GFI1B: variants seen among roughly 807,000 people sequenced by gnomAD.
GFI1B encodes the protein growth factor independent 1B transcriptional repressor, also known as zinc finger protein Gfi-1b.
A neutral mutation model predicts 35.3 loss-of-function variants in GFI1B; 20 were observed. The observed-to-expected ratio is 0.57, with a 90% CI of 0.40 to 0.82. The LOEUF (loss-of-function observed/expected upper bound fraction) is 0.82. GFI1B is among the 40% of genes least tolerant of loss of function. GFI1B has a pLI of 0.00. For synonymous variants in GFI1B, 178 were observed against 177.6 expected, an observed-to-expected ratio of 1.00 and a Z score of -0.02; for missense variants, 430 against 446.3, an observed-to-expected ratio of 0.96 and a Z score of 0.33.
At chr9:132,974,456 G>A (rs1848589363), upstream of GFI1B, among the ~76,000 whole-genome samples, 1 of 151,980 alleles carries the variant, frequency 6.6e-6, no homozygotes, top group Non-Finnish European at 1.5e-5. Context: ...AAAAAAATTA[G>A]CCAGGCTTGG....
At chr9:132,987,905 C>T (rs576982014) in intron 3 of GFI1B, among the ~76,000 whole-genome samples, 14 of 152,250 alleles carry the variant, frequency 9.2e-5, no homozygotes, top group African/African-American at 3.1e-4. Context: ...AGTGCAGTGG[C>T]ACGATCTCAA....
rs766641025 is a variant in GFI1B at position 132,988,483 on chromosome 9, G to A, written c.510+15G>A. The A allele has an allele frequency of 4.3e-6, 7 of 1,611,622 alleles. No individual in the cohort carries two copies. Among genetic ancestry groups the A allele is most frequent in the Middle Eastern group, 1.7e-4 (1 of 6,056 alleles). On this transcript the variant is annotated intron_variant, in intron 4 of 6. Coordinates refer to ENST00000372122, the MANE Select transcript of GFI1B (RefSeq NM_001377304.1). ...AGTGCAACAAGGTGGGCAGCGGGGGGTGTGGTGGGCACCTGGGCCCTCCTC... is the reference window on the plus strand; with the variant it reads ...AGTGCAACAAGGTGGGCAGCGGGGGATGTGGTGGGCACCTGGGCCCTCCTC...
At chr9:132,983,242 G>T (rs1848896627) in intron 1 of GFI1B, among the ~76,000 whole-genome samples, 1 of 135,198 alleles carries the variant, frequency 7.4e-6, no homozygotes, top group African/African-American at 2.8e-5. Context: ...CACCCAGGCT[G>T]AAGTGCAGTG....
downstream of GFI1B, among the ~76,000 whole-genome samples, chr9:132,993,253 C>T (rs997461724): frequency 1.3e-5 from 2 of 152,150 alleles, no homozygotes; most frequent in Non-Finnish European, 2.9e-5. Flanking sequence ...GAGATGTTGT[C>T]GTTGCACTCC....
At chr9:132,960,464 A>G (rs1848345203) in intron 1 of GFI1B, among the ~76,000 whole-genome samples, 1 of 152,138 alleles carries the variant, frequency 6.6e-6, no homozygotes, top group South Asian at 2.1e-4. Flanking sequence ...ATGTTGTCAA[A>G]GGCTTCATCT....
intron 1 of GFI1B, among the ~76,000 whole-genome samples, chr9:132,979,698 G>A (rs1038222190): frequency 6.6e-6 from 1 of 152,150 alleles, no homozygotes; most frequent in Non-Finnish European, 1.5e-5. Flanking sequence ...TGTGGCTGTT[G>A]TTAGCCCTTT....
At chr9:132,954,586 A>G (rs1324586486) in intron 1 of GFI1B, among the ~76,000 whole-genome samples, 1 of 141,026 alleles carries the variant, frequency 7.1e-6, no homozygotes, top group East Asian at 2.0e-4. Flanking sequence ...AAAAAAAAAA[A>G]AAAGAAAAGA....
At chr9:132,945,549 A>C (rs1848056680), upstream of GFI1B, 1 of 154,048 alleles carries the variant, frequency 6.5e-6, no homozygotes, top group Non-Finnish European at 1.5e-5. Context: ...GGTGGCCTTT[A>C]TTGCGAGGCT....
rs766382842 is a variant in GFI1B, at chr9:132,989,127, G to T, written c.577G>T (p.Ala193Ser). ...CTCCCATAGTGGGACCCGGCCCTTCGCCTGTGACATCTGCGGCAAAACCTT... is the reference window on the plus strand; with the variant it reads ...CTCCCATAGTGGGACCCGGCCCTTCTCCTGTGACATCTGCGGCAAAACCTT... ...RRSHSGTRPF[A>S]CDICGKTFGH... is the part of the protein sequence containing the mutation. Residue 193 changes from alanine (A) to serine (S), a missense_variant, in exon 5 of 7, where the codon GCC (alanine) becomes TCC (serine). By Grantham distance (99) the Ala-to-Ser change is moderately conservative (BLOSUM62 1). Coordinates refer to ENST00000372122, the MANE Select transcript of GFI1B (RefSeq NM_001377304.1). This position sits in a 1 kb window ranked among gnomAD's most constrained non-coding sequence, Gnocchi z 6.2. 6.2e-7 allele frequency: 1 copy of T among 1,613,900 alleles called. No homozygotes were observed. The highest frequency in any genetic ancestry group is 8.5e-7 in the Non-Finnish European group (1 of 1,179,864).
intron 1 of GFI1B, among the ~76,000 whole-genome samples, chr9:132,948,031 A>G (rs1005059378): frequency 6.6e-6 from 1 of 152,124 alleles, no homozygotes; most frequent in Non-Finnish European, 1.5e-5. Context: ...TTGCGTGCCT[A>G]TTAAGCTAGG....
At chr9:132,956,045 G>T (rs1176040161) in intron 1 of GFI1B, among the ~76,000 whole-genome samples, 2 of 152,122 alleles carry the variant, frequency 1.3e-5, no homozygotes, top group Non-Finnish European at 2.9e-5. Context: ...ATAGTGGAAG[G>T]CAATCTGCTT....
chr9:132,958,135 T>C (rs1848310743), intron 1 of GFI1B, among the ~76,000 whole-genome samples: 1 of 151,998 alleles, frequency 6.6e-6, no homozygotes, highest in South Asian at 2.1e-4. Flanking sequence ...TGGGTCGACA[T>C]CTGCTGGGGT....
rs2132596367 is a variant in GFI1B, at chr9:132,961,952, C to T, written c.-700-10773C>T. Among the ~76,000 whole-genome samples, 2 of 151,944 alleles carry T rather than the reference C, an allele frequency of 1.3e-5. 1 individual carries two copies. The highest frequency in any genetic ancestry group is 6.8e-3 in the Middle Eastern group (2 of 294). On this transcript the variant is annotated intron_variant, in intron 1 of 10. Transcript: ENST00000339463. The stretch of plus-strand genomic sequence containing the variant: ...AGGCTGTGGGAACAAATCTACACTT[C>T]TGGGAGTGGGAGGACAGGACTGCAC...
chr9:132,982,527 C>T (rs544804039), intron 1 of GFI1B, among the ~76,000 whole-genome samples: 1 of 152,312 alleles, frequency 6.6e-6, no homozygotes, highest in African/African-American at 2.4e-5. Flanking sequence ...GGAGTGATAA[C>T]AGTGAGCCTC....
intron 1 of GFI1B, chr9:132,953,913 G>A (rs1399904886): frequency 6.6e-6 from 1 of 152,030 alleles, no homozygotes; most frequent in Admixed American, 6.6e-5. Context: ...CTCCAGCCTG[G>A]GCGACAGAGT....
At chr9:132,977,763 C>T (rs796637462), upstream of GFI1B, among the ~76,000 whole-genome samples, 3 of 152,218 alleles carry the variant, frequency 2.0e-5, no homozygotes, top group South Asian at 6.2e-4. Context: ...CGCCCTCACT[C>T]CCCCCAGCAT....
intron 1 of GFI1B, among the ~76,000 whole-genome samples, chr9:132,985,056 G>T (rs374801908): frequency 2.6e-5 from 4 of 152,112 alleles, no homozygotes; most frequent in Admixed American, 2.6e-4. Context: ...CTTGCATGGC[G>T]GCTGGCCCAA....
At chr9:132,990,360 C>T (rs543375608) in intron 6 of GFI1B, among the ~76,000 whole-genome samples, 4 of 152,262 alleles carry the variant, frequency 2.6e-5, no homozygotes. Context: ...TTTGCTCATT[C>T]ATTTGTTCAC....
At chr9:132,946,655 T>C (rs1331655131) in intron 1 of GFI1B, 1 of 152,242 alleles carries the variant, frequency 6.6e-6, no homozygotes, top group Non-Finnish European at 1.5e-5. Flanking sequence ...TCTGAAATCT[T>C]CAGAGATTTC....
Sources: allele counts gnomAD v4.1 joint callset (sites outside exome capture counted in the v4.1 genomes callset), GRCh38; gene constraint gnomAD v4.1.1; non-coding constraint Gnocchi (gnomAD v3.1); transcripts MANE v1.5; gene names NCBI Gene and HGNC (gene_info 2026-07-23, HGNC 2026-07-21).